NGEF: variants seen among roughly 807,000 people sequenced by gnomAD.
The protein encoded by NGEF is neuronal guanine nucleotide exchange factor, also known as ephexin-1.
Under a neutral mutation model 80.9 loss-of-function variants are expected in NGEF, and 31 were observed. The observed-to-expected ratio is 0.38, with a 90% CI of 0.29 to 0.52. The LOEUF is 0.52. Among genes scored for constraint, NGEF ranks in the 20% least tolerant of loss-of-function variants. The probability of loss-of-function intolerance (pLI) is 0.84; values close to 1 mark genes in which losing one functional copy is unlikely to be tolerated. For synonymous variants in NGEF, 371 were observed against 370.2 expected, an observed-to-expected ratio of 1.00 and a Z score of -0.03; for missense variants, 709 against 926.2, an observed-to-expected ratio of 0.77 and a Z score of 3.04.
chr2:232,883,805 G>T (rs181716468), intron 11 of NGEF, among the ~76,000 whole-genome samples, 176 bp downstream of exon 11: 2 of 152,306 alleles, frequency 1.3e-5, no homozygotes, highest in East Asian at 3.9e-4. Context: ...GCTTAGGAAC[G>T]TGAAATAACC....
intron 5 of NGEF, among the ~76,000 whole-genome samples, chr2:232,902,247 C>G (rs886178803): frequency 2.0e-5 from 3 of 152,232 alleles, no homozygotes; most frequent in East Asian, 3.8e-4. Flanking sequence ...ACGGAAGTGA[C>G]TTTAAAAGGC....
At chr2:232,914,823 C>T (rs1442852922) in intron 5 of NGEF, among the ~76,000 whole-genome samples, 1 of 151,964 alleles carries the variant, frequency 6.6e-6, no homozygotes, top group East Asian at 1.9e-4. Flanking sequence ...TCAAGACCAG[C>T]CTGACCAACA....
rs1320719317 is a variant in NGEF, at chr2:232,970,331, G to C, written c.269-3C>G. 1 of 1,571,862 alleles carries C rather than the reference G, an allele frequency of 6.4e-7. No individual in the cohort carries two copies. The stretch of plus-strand genomic sequence containing the variant: ...AGATTTTCCATTGTCCTGTGAATCT[G>C]TGACAATTCAGAAATGGAGCAAGTT... On this transcript the variant is annotated splice_region_variant and splice_polypyrimidine_tract_variant and intron_variant, in intron 2 of 14. Transcript: ENST00000264051.
chr2:232,959,952 C>T (rs1693910371), intron 3 of NGEF, among the ~76,000 whole-genome samples: 1 of 152,216 alleles, frequency 6.6e-6, no homozygotes, highest in East Asian at 1.9e-4. Flanking sequence ...CACCAACCAG[C>T]TACAGCAGAG....
intron 3 of NGEF, among the ~76,000 whole-genome samples, chr2:232,943,881 A>T (rs1693494175): frequency 6.6e-6 from 1 of 152,066 alleles, no homozygotes; most frequent in Non-Finnish European, 1.5e-5. Context: ...TACATTCCTG[A>T]TTGGAGAACA....
chr2:232,885,223 G>C, intron 10 of NGEF, 57 bp downstream of exon 10: 1 of 1,512,814 alleles, frequency 6.6e-7, no homozygotes, highest in South Asian at 1.1e-5. Context: ...TGTGCCTCTG[G>C]GGCGGGGCCA....
At chr2:232,979,550 C>A (rs751569438) in intron 1 of NGEF, among the ~76,000 whole-genome samples, 1 of 152,184 alleles carries the variant, frequency 6.6e-6, no homozygotes, top group Non-Finnish European at 1.5e-5. Flanking sequence ...GCTTCCCCCA[C>A]CCCAATCTTC....
At chr2:232,948,135 T>C (rs1368453048) in intron 3 of NGEF, among the ~76,000 whole-genome samples, 2 of 145,882 alleles carry the variant, frequency 1.4e-5, no homozygotes, top group East Asian at 2.0e-4. Context: ...GTCATTTGAA[T>C]ATAGCCTGGA....
intron 5 of NGEF, among the ~76,000 whole-genome samples, chr2:232,900,238 A>G (rs1575002202): frequency 7.1e-6 from 1 of 140,002 alleles, no homozygotes; most frequent in African/African-American, 2.8e-5. Flanking sequence ...TCACACACAC[A>G]CGCTCTCAGT....
At chr2:232,901,428 G>A (rs1318540061) in intron 5 of NGEF, 1 of 985,356 alleles carries the variant, frequency 1.0e-6, no homozygotes, top group South Asian at 4.7e-5. Flanking sequence ...AGCCTGATTT[G>A]GGTTGTTTTT....
intron 1 of NGEF, among the ~76,000 whole-genome samples, chr2:232,976,228 T>C (rs1404924879): frequency 1.3e-5 from 2 of 152,124 alleles, no homozygotes; most frequent in African/African-American, 4.8e-5. Context: ...CCTCTTCTGT[T>C]GCTCCCTTCC....
intron 9 of NGEF, 82 bp from the exon 10 acceptor site, chr2:232,885,451 G>A (rs1313802361): frequency 8.5e-7 from 1 of 1,172,860 alleles, no homozygotes; most frequent in Non-Finnish European, 1.3e-6. Context: ...GCCACAGACA[G>A]GGCTGAGTGA....
At position 232,959,447 on chromosome 2, in the gene NGEF, A is replaced by G. The variant is rs1432539674; in HGVS notation, c.383+10767T>C. Among the ~76,000 whole-genome samples, 3 of 152,204 alleles carry G rather than the reference A, an allele frequency of 2.0e-5. 1 individual carries two copies. In the East Asian group the frequency reaches 5.8e-4, roughly 29 times the overall value. The stretch of plus-strand genomic sequence containing the variant: ...GCTGCCCCAGGCTTACTGAACATGC[A>G]ACTTGTACATTTTCATAGAAATACA... On this transcript the variant is annotated intron_variant, in intron 3 of 14. Transcript: ENST00000264051.
chr2:233,006,930 T>C (rs1341394680), intron 1 of NGEF, among the ~76,000 whole-genome samples: 1 of 152,092 alleles, frequency 6.6e-6, no homozygotes, highest in Non-Finnish European at 1.5e-5. Flanking sequence ...CTAAACTGTT[T>C]CTCACCACCT....
rs1472223677 is a variant in NGEF, at chr2:232,995,170, ATGTGTACAGTATGTATGC to A, written c.-75+17880_-75+17897del. Among the ~76,000 whole-genome samples the A allele has an allele frequency of 5.8e-5, 2 of 34,374 alleles. 1 individual carries two copies. Among genetic ancestry groups the A allele is most frequent in the Non-Finnish European group, 1.3e-4 (2 of 15,660 alleles). The allele number at this position is 34,374 out of a possible 152,430, so 22.6% of individuals were successfully genotyped here. A position where few individuals can be genotyped will look rare whatever the true frequency, so the allele number is the denominator to read the frequency against. The stretch of plus-strand genomic sequence containing the variant: ...TATATGTACAGTATGTATACTGTAT[ATGTGTACAGTATGTATGC>A]TGTGTACAGTATGTATACTGTATAT... On this transcript the variant is annotated intron_variant, in intron 1 of 14. Coordinates refer to ENST00000264051, the MANE Select transcript of NGEF (RefSeq NM_019850.3).
chr2:232,953,509 TA>T (rs71398762), intron 3 of NGEF, among the ~76,000 whole-genome samples: 18,755 of 113,874 alleles, frequency 0.16, 1,983 homozygotes, highest in African/African-American at 0.34. Flanking sequence ...TTTTTTTTTT[TA>T]AAAAAAAAAG....
rs180936828 is a variant in NGEF at position 232,961,033 on chromosome 2, A to G, written c.383+9181T>C. Among the ~76,000 whole-genome samples the G allele has an allele frequency of 1.8e-4, 28 of 152,240 alleles. No individual in the cohort carries two copies. The East Asian group carries it at 3.5e-3, about 19-fold the overall frequency. On this transcript the variant is annotated intron_variant, in intron 3 of 14. Coordinates refer to ENST00000264051, the MANE Select transcript of NGEF (RefSeq NM_019850.3). ...CTCCTGCCGTGCTGCCCAGCTCACC[A>G]TGACTCACTGCTGGTTGGTATACCA...
In NGEF at chr2:232,925,503, C is replaced by T. The variant is rs138814303; in HGVS notation, c.526+1541G>A. ...GCTGCTTCCCAGATGAGCACAGTGA[C>T]GCCCCAAACGACCAGGCACTAGAGC... On this transcript the variant is annotated intron_variant, in intron 4 of 14. Transcript: ENST00000264051. Among the ~76,000 whole-genome samples the T allele has an allele frequency of 6.6e-5, 10 of 152,284 alleles. 1 individual carries two copies. Among genetic ancestry groups the T allele is most frequent in the Admixed American group, 2.6e-4 (4 of 15,300 alleles).
At chr2:232,956,781 T>TAAA (rs57407464) in intron 3 of NGEF, among the ~76,000 whole-genome samples, 1,048 of 62,052 alleles carry the variant, frequency 0.017, 57 homozygotes, top group African/African-American at 0.061. Context: ...AGACTCCATC[T>TAAA]AAAAAAAAAA....
Sources: allele counts gnomAD v4.1 joint callset (sites outside exome capture counted in the v4.1 genomes callset), GRCh38; gene constraint gnomAD v4.1.1; transcripts MANE v1.5; gene names NCBI Gene and HGNC (gene_info 2026-07-23, HGNC 2026-07-21).